GPHN: variants seen among roughly 807,000 people sequenced by gnomAD.
GPHN encodes gephyrin.
In GPHN, 17 loss-of-function variants were observed where a neutral mutation model predicts 95.5. That is an observed-to-expected ratio of 0.18 (90% CI 0.12 to 0.27). The LOEUF is 0.27. Among genes scored for constraint, GPHN ranks in the 10% least tolerant of loss-of-function variants. The probability of loss-of-function intolerance (pLI) is 1.00; values close to 1 mark genes in which losing one functional copy is unlikely to be tolerated. For synonymous variants in GPHN, 320 were observed against 322.5 expected (o/e 0.99, Z 0.08); for missense variants, 660 against 978.1 (o/e 0.67, Z 4.34).
At chr14:66,987,447 A>C (rs746390423) in intron 9 of GPHN, among the ~76,000 whole-genome samples, 27 of 152,118 alleles carry the variant, frequency 1.8e-4, no homozygotes, top group Non-Finnish European at 3.7e-4. Context: ...TTATAAATGT[A>C]TGTTTATTGT....
intron 1 of GPHN, among the ~76,000 whole-genome samples, chr14:66,599,392 A>ATTTATTTTTTTTT (rs1555357374): frequency 2.6e-5 from 2 of 76,524 alleles, no homozygotes; most frequent in African/African-American, 1.4e-4. Flanking sequence ...TTTTTTTTGC[A>ATTTATTTTTTTTT]TTTTTTTTTT....
chr14:67,430,105 C>G, the GPHN span, among the ~76,000 whole-genome samples: 1 of 152,174 alleles, frequency 6.6e-6, no homozygotes, highest in Non-Finnish European at 1.5e-5. Flanking sequence ...GGAGCCCGAA[C>G]CTGGCTATGC....
At chr14:67,725,051 T>C in the GPHN span, 234 of 1,607,828 alleles carry the variant, frequency 1.5e-4, no homozygotes, top group Non-Finnish European at 9.4e-5. Context: ...ATACCTCCTT[T>C]ATAGCCTAGG....
At chr14:66,751,926 TGTTATATA>T (rs2153448185) in intron 2 of GPHN, among the ~76,000 whole-genome samples, 1 of 152,282 alleles carries the variant, frequency 6.6e-6, no homozygotes, top group East Asian at 1.9e-4. Context: ...ATTGAAATTC[TGTTATATA>T]GAATAGCCAC....
the GPHN span, among the ~76,000 whole-genome samples, chr14:67,733,008 T>C: frequency 6.6e-6 from 1 of 152,064 alleles, no homozygotes; most frequent in Non-Finnish European, 1.5e-5. Flanking sequence ...CATTAGGAGA[T>C]ATACCTAATG....
chr14:66,674,454 TC>T (rs944481112), intron 1 of GPHN, among the ~76,000 whole-genome samples: 6 of 152,164 alleles, frequency 3.9e-5, no homozygotes, highest in African/African-American at 1.2e-4. Context: ...TTCCCATCCT[TC>T]CCTACCCACT....
intron 2 of GPHN, among the ~76,000 whole-genome samples, chr14:66,684,874 A>G (rs10134982): frequency 0.3 from 45,573 of 151,852 alleles, 10,185 homozygotes; most frequent in African/African-American, 0.6. Context: ...TACATTAGGT[A>G]TATCTCCTAA....
the GPHN span, among the ~76,000 whole-genome samples, chr14:67,493,377 T>C: frequency 1.3e-5 from 2 of 152,164 alleles, no homozygotes; most frequent in African/African-American, 2.4e-5. Context: ...CAATCGGAAT[T>C]AGTTTAGATT....
chr14:66,606,848 A>G (rs2140899401), intron 1 of GPHN, among the ~76,000 whole-genome samples: 1 of 152,200 alleles, frequency 6.6e-6, no homozygotes, highest in African/African-American at 2.4e-5. Context: ...TTTTGGCAGC[A>G]TCTTTAATGT....
intron 2 of GPHN, among the ~76,000 whole-genome samples, chr14:66,732,915 C>T (rs1279200746): frequency 2.0e-5 from 3 of 152,134 alleles, no homozygotes; most frequent in Non-Finnish European, 2.9e-5. Context: ...TGAGTTAAGA[C>T]TTTGGGGGAC....
At chr14:66,943,027 C>T (rs955652670) in intron 8 of GPHN, among the ~76,000 whole-genome samples, 1 of 152,150 alleles carries the variant, frequency 6.6e-6, no homozygotes, top group Non-Finnish European at 1.5e-5. Context: ...TTAAGAGTAT[C>T]TTGTGCTTTC....
At chr14:67,138,735 G>A (rs1639080235) in intron 17 of GPHN, among the ~76,000 whole-genome samples, 1 of 151,910 alleles carries the variant, frequency 6.6e-6, no homozygotes, top group Non-Finnish European at 1.5e-5. Flanking sequence ...AGGCCCTTAA[G>A]CTATGGTTAA....
the GPHN span, among the ~76,000 whole-genome samples, chr14:67,700,671 C>T: frequency 1.4e-5 from 2 of 142,260 alleles, no homozygotes; most frequent in Admixed American, 7.3e-5. Context: ...GCCTAGATCG[C>T]GGCACTGCAC....
the GPHN span, chr14:67,302,192 T>C: frequency 6.9e-7 from 1 of 1,455,658 alleles, no homozygotes; most frequent in Non-Finnish European, 9.1e-7. Context: ...CTGGTTAATT[T>C]CAGAATTCTA....
intron 9 of GPHN, among the ~76,000 whole-genome samples, chr14:66,989,280 A>T (rs1440799230): frequency 6.6e-6 from 1 of 152,028 alleles, no homozygotes; most frequent in African/African-American, 2.4e-5. Flanking sequence ...TGATTAAATC[A>T]GTCTGGACAT....
At chr14:67,444,532 C>A in the GPHN span, among the ~76,000 whole-genome samples, 2 of 152,218 alleles carry the variant, frequency 1.3e-5, no homozygotes, top group East Asian at 1.9e-4. Context: ...CTCATAAGAC[C>A]CTTGGAATTT....
the GPHN span, among the ~76,000 whole-genome samples, chr14:67,468,662 G>A: frequency 6.6e-6 from 1 of 152,172 alleles, no homozygotes; most frequent in African/African-American, 2.4e-5. Flanking sequence ...GGGAGGCCGA[G>A]GCGGGTGGAT....
At chr14:67,583,768 G>GCCCTGCCAGGCCCTGGAGGCACATC in the GPHN span, 2 of 1,611,528 alleles carry the variant, frequency 1.2e-6, no homozygotes, top group African/African-American at 2.7e-5. Context: ...GGAGAAGCCT[G>GCCCTGCCAGGCCCTGGAGGCACATC]CCCTGCCAGG....
At chr14:66,622,709 G>A (rs2063359187) in intron 1 of GPHN, among the ~76,000 whole-genome samples, 1 of 152,178 alleles carries the variant, frequency 6.6e-6, no homozygotes, top group East Asian at 1.9e-4. Flanking sequence ...AAAGCTGCCA[G>A]TCTCTTTGCC....
Sources: allele counts gnomAD v4.1 joint callset (sites outside exome capture counted in the v4.1 genomes callset), GRCh38; gene constraint gnomAD v4.1.1; transcripts MANE v1.5; gene names NCBI Gene and HGNC (gene_info 2026-07-23, HGNC 2026-07-21).